Variants in TRPM3 observed in about 807,000 individuals in gnomAD.
The protein encoded by TRPM3 is transient receptor potential cation channel subfamily M member 3, also known as long transient receptor potential channel 3.
In TRPM3, 77 loss-of-function variants were observed where a neutral mutation model predicts 181.2. That is an observed-to-expected ratio of 0.42 (90% confidence interval 0.35 to 0.51). The LOEUF is 0.51. TRPM3 is among the 20% of genes least tolerant of loss of function. The pLI is 0.01. For synonymous variants in TRPM3, 745 were observed against 796.4 expected, an observed-to-expected ratio of 0.94 and a Z score of 1.09; for missense variants, 1,759 against 2,196.7, an observed-to-expected ratio of 0.80 and a Z score of 3.98.
At chr9:71,226,131 A>G (rs2080630013) in intron 1 of TRPM3, among the ~76,000 whole-genome samples, 1 of 122,692 alleles carries the variant, frequency 8.2e-6, no homozygotes, top group Admixed American at 8.8e-5. Context: ...AATGGGTTAT[A>G]AAATATTATT....
intron 1 of TRPM3, among the ~76,000 whole-genome samples, chr9:71,364,923 T>G (rs775861403): frequency 5.9e-5 from 9 of 152,212 alleles, no homozygotes; most frequent in Non-Finnish European, 1.3e-4. Flanking sequence ...GAATCTATTC[T>G]TTTTTGGAAA....
rs74850556 is a variant in TRPM3 at position 70,552,716 on chromosome 9, C to T, written c.3574+128G>A. On this transcript the variant is annotated intron_variant, in intron 24 of 25. Transcript: ENST00000677713. ...CCCTCATCCCCCAATGCTCTCCAAG[C>T]CTTCAGAGCTGTCTGCAGCCTGCAA... 18 of 931,014 alleles carry T rather than the reference C, an allele frequency of 1.9e-5. No individual in the cohort carries two copies. The African/African-American group carries it at 2.8e-4, about 14-fold the overall frequency. 57.7% of individuals were successfully genotyped at this position (931,014 alleles called of 1,614,324 possible). A position where few individuals can be genotyped will look rare whatever the true frequency, so the allele number is the denominator to read the frequency against.
chr9:70,819,516 CCA>C (rs1156277786), intron 6 of TRPM3, among the ~76,000 whole-genome samples: 1 of 152,028 alleles, frequency 6.6e-6, no homozygotes, highest in African/African-American at 2.4e-5. Context: ...ACAGATGAGA[CCA>C]CACTCAAATG....
At chr9:71,038,602 C>G (rs761814361) in intron 1 of TRPM3, among the ~76,000 whole-genome samples, 1 of 151,936 alleles carries the variant, frequency 6.6e-6, no homozygotes, top group Non-Finnish European at 1.5e-5. Flanking sequence ...TCCTCTTTTG[C>G]TTTCATTCAC....
At chr9:71,196,165 A>ATG (rs1385090125) in intron 1 of TRPM3, among the ~76,000 whole-genome samples, 10 of 89,018 alleles carry the variant, frequency 1.1e-4, no homozygotes, top group African/African-American at 4.8e-4. Flanking sequence ...ACACACACGT[A>ATG]TATGTGTGTG....
intron 1 of TRPM3, among the ~76,000 whole-genome samples, chr9:70,910,118 C>G (rs2096523609): frequency 6.6e-6 from 1 of 152,082 alleles, no homozygotes; most frequent in Non-Finnish European, 1.5e-5. Context: ...CTTACAGTAC[C>G]ATTATTCATA....
chr9:71,385,104 C>T (rs2092896169), intron 1 of TRPM3, among the ~76,000 whole-genome samples: 2 of 151,966 alleles, frequency 1.3e-5, no homozygotes, highest in African/African-American at 4.8e-5. Flanking sequence ...AACAAAAATG[C>T]TAAAAGCTTT....
At chr9:70,869,325 T>C (rs1333078925) in intron 1 of TRPM3, among the ~76,000 whole-genome samples, 3 of 151,824 alleles carry the variant, frequency 2.0e-5, no homozygotes, top group Non-Finnish European at 4.4e-5. Context: ...CTGGCACAGG[T>C]CCTAACAGGC....
chr9:70,939,881 T>C (rs2096868677), intron 1 of TRPM3, among the ~76,000 whole-genome samples: 1 of 152,194 alleles, frequency 6.6e-6, no homozygotes, highest in African/African-American at 2.4e-5. Context: ...TGTAAATAAA[T>C]TGCTTAAAGC....
At position 70,539,395 on chromosome 9, in the gene TRPM3, C is replaced by A. The variant is rs550289152; in HGVS notation, c.3708-1990G>T. ...TTTCTGCCTCTCTCAGGACCCCCCA[C>A]CCCGACTCTGCTTTTATCTTTCAGC... On this transcript the variant is annotated intron_variant, in intron 25 of 25. Transcript: ENST00000677713. Among the ~76,000 whole-genome samples the A allele has an allele frequency of 4.3e-4, 65 of 152,234 alleles. No individual in the cohort carries two copies. In the South Asian group the frequency reaches 0.014, roughly 32 times the overall value.
intron 25 of TRPM3, among the ~76,000 whole-genome samples, chr9:70,547,110 C>G (rs1408948440): frequency 6.6e-6 from 1 of 152,110 alleles, no homozygotes; most frequent in African/African-American, 2.4e-5. Context: ...TAAAGAAACT[C>G]CTTTTCCTAA....
chr9:70,880,916 T>C (rs2095979381), intron 1 of TRPM3, among the ~76,000 whole-genome samples: 1 of 152,120 alleles, frequency 6.6e-6, no homozygotes, highest in African/African-American at 2.4e-5. Flanking sequence ...CCTGCTTGTG[T>C]TCCCAACTGT....
In TRPM3 at chr9:70,935,032, C is replaced by T. The variant is rs117218002; in HGVS notation, c.178-70521G>A. Among the ~76,000 whole-genome samples the T allele has an allele frequency of 2.0e-3, 297 of 152,268 alleles. 9 individuals are homozygous for T. The East Asian group carries it at 0.047, about 24-fold the overall frequency. On this transcript the variant is annotated intron_variant, in intron 1 of 25. Coordinates refer to ENST00000677713, the MANE Select transcript of TRPM3 (RefSeq NM_001366145.2). ...CCTACAAATGCCCTTCATAGTCCAACACTAACCCACTTCCCAGCCTCATCT... is the reference window on the plus strand; with the variant it reads ...CCTACAAATGCCCTTCATAGTCCAATACTAACCCACTTCCCAGCCTCATCT...
intron 1 of TRPM3, among the ~76,000 whole-genome samples, chr9:71,191,956 C>T (rs955613972): frequency 6.6e-6 from 1 of 151,734 alleles, no homozygotes; most frequent in Admixed American, 6.6e-5. Context: ...TACTCCCTCA[C>T]ATAGCACTAA....
intron 1 of TRPM3, among the ~76,000 whole-genome samples, chr9:71,200,081 C>T (rs1302320338): frequency 1.3e-5 from 2 of 151,960 alleles, no homozygotes; most frequent in Non-Finnish European, 2.9e-5. Context: ...TGTCTTTGTT[C>T]TCATTGGTTT....
At chr9:70,813,520 G>A (rs1157298) in intron 6 of TRPM3, among the ~76,000 whole-genome samples, 53,840 of 151,968 alleles carry the variant, frequency 0.35, 10,515 homozygotes, top group African/African-American at 0.51. Context: ...ACTCCAAAAG[G>A]AGGCAGGGGC....
chr9:71,124,208 A>C (rs1349921486), upstream of TRPM3, among the ~76,000 whole-genome samples: 4 of 152,102 alleles, frequency 2.6e-5, no homozygotes, highest in African/African-American at 9.7e-5. Flanking sequence ...CTATCAAAAC[A>C]TCTAAAGAAG....
intron 1 of TRPM3, among the ~76,000 whole-genome samples, chr9:71,422,592 A>C (rs2093796634): frequency 6.6e-6 from 1 of 152,068 alleles, no homozygotes; most frequent in Non-Finnish European, 1.5e-5. Context: ...TAAATGATAT[A>C]ACTTGATGGA....
intron 1 of TRPM3, among the ~76,000 whole-genome samples, chr9:70,986,247 C>T (rs2097420410): frequency 6.6e-6 from 1 of 152,128 alleles, no homozygotes; most frequent in Non-Finnish European, 1.5e-5. Flanking sequence ...GACTGCTGCC[C>T]TAGCTACTGG....
Sources: gnomAD v4.1 joint callset for allele counts (sites outside exome capture counted in the v4.1 genomes callset) on GRCh38, gnomAD v4.1.1 for gene constraint, MANE v1.5 for transcripts, NCBI Gene and HGNC (gene_info 2026-07-23, HGNC 2026-07-21) for gene names.